The following LARP4 variants were observed in gnomAD, a reference collection of about 807,000 sequenced individuals.
The protein encoded by LARP4 is la-related protein 4.
A neutral mutation model predicts 92.9 loss-of-function variants in LARP4; 29 were observed. The observed-to-expected ratio is 0.31, with a 90% CI of 0.23 to 0.43. The LOEUF is 0.43. LARP4 is among the 20% of genes least tolerant of loss of function. The probability of loss-of-function intolerance (pLI) is 1.00; values close to 1 mark genes in which losing one functional copy is unlikely to be tolerated. For missense variants in LARP4, 732 were observed against 860.0 expected (o/e 0.85, Z 1.86); for synonymous variants, 279 against 284.1 (o/e 0.98, Z 0.18).
At chr12:50,445,341 A>G (rs888398490) in intron 8 of LARP4, among the ~76,000 whole-genome samples, 10 of 152,038 alleles carry the variant, frequency 6.6e-5, no homozygotes, top group African/African-American at 2.2e-4. Context: ...TCCCCTGTAT[A>G]TGATGTGTCC....
intron 4 of LARP4, among the ~76,000 whole-genome samples, chr12:50,435,050 GA>G (rs1314966541): frequency 6.6e-6 from 1 of 152,014 alleles, no homozygotes; most frequent in Non-Finnish European, 1.5e-5. Flanking sequence ...TCTGTCTCAG[GA>G]AAAAAAGAAA....
At chr12:50,410,011 C>T (rs527531435) in intron 1 of LARP4, among the ~76,000 whole-genome samples, 13 of 150,900 alleles carry the variant, frequency 8.6e-5, no homozygotes, top group South Asian at 2.1e-4. Flanking sequence ...AGGCTGGTCT[C>T]GAACTCCTGC....
chr12:50,451,132 C>T (rs1953112680), intron 8 of LARP4, among the ~76,000 whole-genome samples: 1 of 152,110 alleles, frequency 6.6e-6, no homozygotes, highest in African/African-American at 2.4e-5. Context: ...TTACATAATA[C>T]ATTATTATTA....
chr12:50,451,455 T>C (rs1177821038), intron 8 of LARP4, among the ~76,000 whole-genome samples: 2 of 152,130 alleles, frequency 1.3e-5, no homozygotes, highest in East Asian at 3.8e-4. Context: ...CTCAGCACTT[T>C]GGGAGGCCAA....
chr12:50,425,778 T>C (rs1251644895), intron 1 of LARP4, among the ~76,000 whole-genome samples: 1 of 152,152 alleles, frequency 6.6e-6, no homozygotes, highest in East Asian at 1.9e-4. Context: ...AGTTTGTCAC[T>C]GGAACTTCTC....
chr12:50,466,949 T>C lies in LARP4; in HGVS notation c.1384-10T>C, dbSNP rs775142314. 1 of 1,600,220 alleles carries C rather than the reference T, an allele frequency of 6.2e-7. No individual in the cohort carries two copies. ...GCCATGTGACCTGTTTTATTATTTGTTCATTTTAGAGACCTCATCCTTCAA... is the reference window on the plus strand; with the variant it reads ...GCCATGTGACCTGTTTTATTATTTGCTCATTTTAGAGACCTCATCCTTCAA... On this transcript the variant is annotated splice_polypyrimidine_tract_variant and intron_variant, in intron 12 of 15. Transcript: ENST00000398473.
At chr12:50,428,071 C>T (rs1275675818) in intron 2 of LARP4, among the ~76,000 whole-genome samples, 162 bp downstream of exon 2, 1 of 147,040 alleles carries the variant, frequency 6.8e-6, no homozygotes, top group Non-Finnish European at 1.5e-5. Flanking sequence ...TCTTCACTCA[C>T]TGCAACCTCC....
At chr12:50,435,162 T>A (rs918961600) in intron 4 of LARP4, among the ~76,000 whole-genome samples, 1 of 152,236 alleles carries the variant, frequency 6.6e-6, no homozygotes, top group Non-Finnish European at 1.5e-5. Flanking sequence ...GATGGAACTC[T>A]GCTATATGTA....
rs375792767 is a variant in LARP4, at chr12:50,462,983, G to T, written c.1383+353G>T. Among the ~76,000 whole-genome samples, 3 of 151,916 alleles carry T rather than the reference G, an allele frequency of 2.0e-5. 1 individual carries two copies. The East Asian group carries it at 5.8e-4, about 29-fold the overall frequency. The stretch of plus-strand genomic sequence containing the variant: ...GATATTACTGTTTCCCAGGGCACTG[G>T]AATTACAGGCCTGAGCCACTGTGCT... On this transcript the variant is annotated intron_variant, in intron 12 of 15. Coordinates refer to ENST00000398473, the MANE Select transcript of LARP4 (RefSeq NM_052879.5).
intron 6 of LARP4, among the ~76,000 whole-genome samples, chr12:50,438,679 C>T (rs1369710341): frequency 6.6e-6 from 1 of 152,046 alleles, no homozygotes; most frequent in Non-Finnish European, 1.5e-5. Context: ...TATTTAAAGC[C>T]AAAGGTTTTA....
At position 50,462,591 on chromosome 12, in the gene LARP4, C is replaced by T; in HGVS notation, c.1344C>T (p.Leu448=). Residue 448 remains leucine (L), a synonymous_variant, in exon 12 of 16, where the codon CTC becomes CTT. Coordinates refer to ENST00000398473, the MANE Select transcript of LARP4 (RefSeq NM_052879.5). The stretch of plus-strand genomic sequence containing the variant: ...TTTTTCTTATTAAAAGGAGAACTCT[C>T]TTCAGAGGTCGAAGACGACGAGAAG... ...NGDYGRGRRT[L]FRGRRRREDD... The T allele has an allele frequency of 9.6e-7, 1 of 1,041,552 alleles. No homozygotes were observed. The highest frequency in any genetic ancestry group is 1.3e-6 in the Non-Finnish European group (1 of 745,638). 64.5% of individuals were successfully genotyped at this position (1,041,552 alleles called of 1,614,324 possible).
At chr12:50,417,090 A>G (rs184042837) in intron 1 of LARP4, among the ~76,000 whole-genome samples, 14 of 152,202 alleles carry the variant, frequency 9.2e-5, no homozygotes, top group Admixed American at 9.2e-4. Context: ...ATATAGTGGC[A>G]AATATGAAAG....
At chr12:50,454,549 G>A (rs1953870067) in intron 10 of LARP4, 132 bp downstream of exon 10, 1 of 656,224 alleles carries the variant, frequency 1.5e-6, no homozygotes, top group Non-Finnish European at 2.5e-6. Flanking sequence ...TTTTTACTAA[G>A]TGTATATGAA....
intron 1 of LARP4, among the ~76,000 whole-genome samples, chr12:50,420,414 G>C (rs1164941892): frequency 6.6e-6 from 1 of 152,212 alleles, no homozygotes; most frequent in Non-Finnish European, 1.5e-5. Flanking sequence ...TAATAGAGCA[G>C]TTGTGGAGAG....
intron 6 of LARP4, among the ~76,000 whole-genome samples, chr12:50,440,220 T>C (rs567705087): frequency 1.6e-4 from 25 of 152,292 alleles, no homozygotes; most frequent in African/African-American, 5.8e-4. Flanking sequence ...AAGGATCGCT[T>C]GCATCCGGGA....
intron 1 of LARP4, chr12:50,416,528 C>T (rs1249609652): frequency 6.6e-6 from 1 of 152,252 alleles, no homozygotes; most frequent in Non-Finnish European, 1.5e-5. Flanking sequence ...AAAACAAAAA[C>T]ACAACATCAG....
intron 14 of LARP4, 120 bp downstream of exon 14, chr12:50,473,656 G>A (rs112985240): frequency 6.7e-5 from 65 of 971,390 alleles, no homozygotes; most frequent in Non-Finnish European, 5.1e-5. Context: ...ACCTGAGGTC[G>A]GGAGTTCAAG....
rs1338059089 is a variant in LARP4, at chr12:50,400,991, T to C, written c.-20T>C. On this transcript the variant is annotated 5_prime_UTR_variant, in exon 1 of 16. Coordinates refer to ENST00000398473, the MANE Select transcript of LARP4 (RefSeq NM_052879.5). The stretch of plus-strand genomic sequence containing the variant: ...TTGGAGTTGCGGCGGCGGGAACGAT[T>C]GGGCTGAGCAGAGGACGACATGTTG... 1 of 1,613,994 alleles carries C rather than the reference T, an allele frequency of 6.2e-7. No individual in the cohort carries two copies. The highest frequency in any genetic ancestry group is 8.5e-7 in the Non-Finnish European group (1 of 1,179,986).
Position 50,453,702 on chromosome 12 carries a change from T to C in LARP4, c.1017+30T>C, listed in dbSNP as rs1458283495. 3.7e-6 allele frequency: 5 copies of C among 1,349,800 alleles called. No homozygotes were observed. In the Admixed American group the frequency reaches 7.9e-5, roughly 21 times the overall value. The allele number at this position is 1,349,800 out of a possible 1,614,324, so 83.6% of individuals were successfully genotyped here. ...GTGAGATCCTTACAATAAAATATAA[T>C]AATATTTTTAATTTGAGCTGAAATT... On this transcript the variant is annotated intron_variant, in intron 9 of 15. Transcript: ENST00000398473.
Sources: allele counts gnomAD v4.1 joint callset (sites outside exome capture counted in the v4.1 genomes callset), GRCh38; gene constraint gnomAD v4.1.1; transcripts MANE v1.5; gene names NCBI Gene and HGNC (gene_info 2026-07-23, HGNC 2026-07-21).